The following MYO10 variants were observed in gnomAD, a reference collection of about 807,000 sequenced individuals.
The protein encoded by MYO10 is myosin X.
MYO10 carries 133 observed loss-of-function variants against 257.3 expected under a neutral mutation model. That is an observed-to-expected ratio of 0.52 (90% CI 0.45 to 0.60). The LOEUF (loss-of-function observed/expected upper bound fraction) is 0.60. MYO10 is among the 20% of genes least tolerant of loss of function. MYO10 has a pLI of 0.00. For missense variants in MYO10, 2,399 were observed against 2,635.7 expected (o/e 0.91, Z 1.97); for synonymous variants, 1,104 against 1,028.6 (o/e 1.07, Z -1.40).
chr5:16,820,250 C>T (rs1007211626), intron 2 of MYO10, among the ~76,000 whole-genome samples: 1 of 152,182 alleles, frequency 6.6e-6, no homozygotes, highest in Admixed American at 6.5e-5. Flanking sequence ...CTAGAAATTC[C>T]CAGAAGTTAA....
chr5:16,833,361 C>A (rs2126719946), intron 2 of MYO10, among the ~76,000 whole-genome samples: 1 of 151,862 alleles, frequency 6.6e-6, no homozygotes, highest in Admixed American at 6.6e-5. Flanking sequence ...GTACAGGTGT[C>A]CACCACCACA....
At chr5:16,739,180 T>C (rs995957897) in intron 19 of MYO10, among the ~76,000 whole-genome samples, 1 of 132,944 alleles carries the variant, frequency 7.5e-6, no homozygotes, top group African/African-American at 2.9e-5. Flanking sequence ...CTGGGCAACA[T>C]AATCATGTCC....
chr5:16,683,947 C>T lies in MYO10; in HGVS notation c.3991-12G>A. 6.2e-7 allele frequency: 1 copy of T among 1,612,334 alleles called. No homozygotes were observed. The highest frequency in any genetic ancestry group is 1.3e-5 in the African/African-American group (1 of 75,014). ...ACATCCAAGGTGCCCTGGAAAAGAA[C>T]AAAAAGTAAACAGAATGAGAGAAGC... On this transcript the variant is annotated splice_polypyrimidine_tract_variant and intron_variant, in intron 29 of 40. Transcript: ENST00000513610.
intron 1 of MYO10, among the ~76,000 whole-genome samples, chr5:16,925,172 C>T (rs1048275354): frequency 2.0e-5 from 3 of 152,012 alleles, no homozygotes; most frequent in African/African-American, 4.8e-5. Flanking sequence ...TTTCCCAAAA[C>T]CCAAACAGAA....
At position 16,778,138 on chromosome 5, in the gene MYO10, C is replaced by T. The variant is rs556291960; in HGVS notation, c.930+1407G>A. On this transcript the variant is annotated intron_variant, in intron 9 of 40. Transcript: ENST00000513610. ...GTGCTGGGATTACAGGCATGAGCCA[C>T]CGTGCCCGGCTGCATCTAACTGTTC... Among the ~76,000 whole-genome samples the T allele has an allele frequency of 5.4e-4, 82 of 152,178 alleles. 3 individuals are homozygous for T. In the South Asian group the frequency reaches 0.017, roughly 31 times the overall value.
intron 3 of MYO10, among the ~76,000 whole-genome samples, chr5:16,802,849 G>A (rs1742161178): frequency 6.6e-6 from 1 of 151,962 alleles, no homozygotes; most frequent in African/African-American, 2.4e-5. Flanking sequence ...GGGTGTGGTG[G>A]CTCACGCCTG....
At position 16,877,322 on chromosome 5, in the gene MYO10, A is replaced by T. The variant is rs558265119; in HGVS notation, c.120+287T>A. On this transcript the variant is annotated intron_variant, in intron 2 of 40. Transcript: ENST00000513610. ...CCTCTACTTCTGATAGCTGAAAAAG[A>T]TGAAAGAAGGCAGAAAAGATACCCA... is the stretch of plus-strand genomic sequence containing the variant. 1.2e-4 allele frequency among the ~76,000 whole-genome samples: 19 copies of T among 152,348 alleles called. No homozygotes were observed. The South Asian group carries it at 3.9e-3, about 32-fold the overall frequency.
At chr5:16,921,159 G>A (rs906347895) in intron 1 of MYO10, among the ~76,000 whole-genome samples, 5 of 101,346 alleles carry the variant, frequency 4.9e-5, no homozygotes, top group Non-Finnish European at 8.7e-5. Flanking sequence ...TAAAATAAAC[G>A]TATACCAGAA....
chr5:16,869,520 G>A (rs750377657), intron 2 of MYO10, among the ~76,000 whole-genome samples: 3 of 151,990 alleles, frequency 2.0e-5, no homozygotes, highest in South Asian at 2.1e-4. Context: ...AATGAGCTAC[G>A]ACTGGACCAC....
chr5:16,844,119 T>G (rs764185746), intron 2 of MYO10, among the ~76,000 whole-genome samples: 3 of 152,236 alleles, frequency 2.0e-5, no homozygotes, highest in African/African-American at 7.2e-5. Context: ...CCCAATAAAA[T>G]TGGGAGACTC....
chr5:16,671,932 G>A (rs1451138755), intron 37 of MYO10, among the ~76,000 whole-genome samples: 1 of 152,160 alleles, frequency 6.6e-6, no homozygotes, highest in Non-Finnish European at 1.5e-5. Context: ...TCTTGTATGA[G>A]GGCTGTGTTT....
At chr5:16,814,286 C>T (rs904341625) in intron 3 of MYO10, among the ~76,000 whole-genome samples, 7 of 152,080 alleles carry the variant, frequency 4.6e-5, no homozygotes, top group East Asian at 1.9e-4. Flanking sequence ...GGACTACAGG[C>T]GCCCGCCACC....
At chr5:16,912,627 G>A (rs1192115648) in intron 1 of MYO10, among the ~76,000 whole-genome samples, 2 of 152,082 alleles carry the variant, frequency 1.3e-5, no homozygotes, top group Admixed American at 1.3e-4. Context: ...AAAGAAAAAT[G>A]AGTATGTTTT....
At chr5:16,793,307 T>C (rs253361) in intron 4 of MYO10, among the ~76,000 whole-genome samples, 50,278 of 152,062 alleles carry the variant, frequency 0.33, 10,110 homozygotes, top group Non-Finnish European at 0.44. Flanking sequence ...TGAATGTTAA[T>C]AATAAAAATT....
chr5:16,885,796 G>A (rs1463535464), intron 1 of MYO10, among the ~76,000 whole-genome samples: 1 of 152,136 alleles, frequency 6.6e-6, no homozygotes, highest in Non-Finnish European at 1.5e-5. Context: ...GTGAGCTGGG[G>A]CACAACCCTA....
At position 16,780,727 on chromosome 5, in the gene MYO10, C is replaced by A; in HGVS notation, c.741+1G>T. ...ATGTGGATTAAATCACGTTTACTTA[C>A]TTTTTCTAATAAATCTTCATGTGAA... On this transcript the variant is annotated splice_donor_variant, in intron 7 of 40. Transcript: ENST00000513610. LOFTEE classifies it high-confidence loss of function. 6.4e-7 allele frequency: 1 copy of A among 1,573,712 alleles called. No homozygotes were observed. The highest frequency in any genetic ancestry group is 1.9e-5 in the Admixed American group (1 of 53,832).
At position 16,661,943 on chromosome 5, in the gene MYO10, G is replaced by C. The variant is rs1579767467; in HGVS notation, c.*4749C>G. On this transcript the variant is annotated 3_prime_UTR_variant, in exon 41 of 41. Transcript: ENST00000513610. ...AAAACTTTATTCACAAAAACAGGTG[G>C]CAGGGTAGATTTGGTCTCTGTACTG... is the stretch of plus-strand genomic sequence containing the variant. 6.6e-6 allele frequency: 1 copy of C among 152,136 alleles called. No individual in the cohort carries two copies. Among genetic ancestry groups the C allele is most frequent in the South Asian group, 2.1e-4 (1 of 4,832 alleles). 9.4% of individuals were successfully genotyped at this position (152,136 alleles called of 1,614,324 possible).
At chr5:16,766,770 CTTT>C (rs575636664) in intron 10 of MYO10, among the ~76,000 whole-genome samples, 24 of 127,378 alleles carry the variant, frequency 1.9e-4, no homozygotes, top group African/African-American at 5.2e-4. Context: ...CACCTACTTT[CTTT>C]TTTTTTTTTT....
At position 16,670,908 on chromosome 5, in the gene MYO10, C is replaced by T. The variant is rs1309123826; in HGVS notation, c.5501G>A (p.Arg1834Gln). The change falls in exon 39 of 41, where the codon CGA (arginine) becomes CAA (glutamine). Residue 1834 changes from arginine (R) to glutamine (Q), a missense_variant. By Grantham distance (43) the Arg-to-Gln change is conservative (BLOSUM62 1). Around this residue, in one of 3 missense-constraint regions of MYO10, gnomAD observed 1,820 missense variants for 1,939.4 expected, o/e 0.94. Transcript: ENST00000513610. ...ATAATCCCCCTGCAGATACTGGAGT[C>T]GCAGGGCAGCAAGAACCTGGAGGTT... is the stretch of plus-strand genomic sequence containing the variant. Reference protein sequence around the residue: ...EENLQVLAALRLQYLQGDYTL... With the variant: ...EENLQVLAALQLQYLQGDYTL... 3.1e-6 allele frequency: 5 copies of T among 1,613,700 alleles called. No individual in the cohort carries two copies. The highest frequency in any genetic ancestry group is 2.2e-5 in the East Asian group (1 of 44,880).
Sources: allele counts gnomAD v4.1 joint callset (sites outside exome capture counted in the v4.1 genomes callset), GRCh38; gene constraint gnomAD v4.1.1; regional missense constraint gnomAD v4.1.1; transcripts MANE v1.5; gene names NCBI Gene and HGNC (gene_info 2026-07-23, HGNC 2026-07-21).